SYN2: variants seen among roughly 807,000 people sequenced by gnomAD.
SYN2 encodes synapsin II, also known as synapsin-2.
SYN2 carries 19 observed loss-of-function variants against 50.9 expected under a neutral mutation model. The observed-to-expected ratio is 0.37, with a 90% CI of 0.26 to 0.55. The LOEUF (loss-of-function observed/expected upper bound fraction) is 0.55, where lower values mean the gene tolerates loss of function less well. Ranked by LOEUF, SYN2 falls within the 20% of genes least tolerant of loss-of-function variation. The probability of loss-of-function intolerance (pLI) is 0.81; values close to 1 mark genes in which losing one functional copy is unlikely to be tolerated. For missense variants in SYN2, 587 were observed against 576.4 expected (o/e 1.02, Z -0.19); for synonymous variants, 255 against 224.9 (o/e 1.13, Z -1.20).
intron 11 of SYN2, among the ~76,000 whole-genome samples, chr3:12,185,909 T>G (rs1273405109): frequency 6.6e-6 from 1 of 152,250 alleles, no homozygotes; most frequent in African/African-American, 2.4e-5. Context: ...AATCTGCTAA[T>G]CTATCATCTT....
intron 1 of SYN2, among the ~76,000 whole-genome samples, chr3:12,074,874 C>T (rs930408453): frequency 2.0e-5 from 3 of 152,146 alleles, no homozygotes; most frequent in Admixed American, 6.5e-5. Flanking sequence ...ATTCCAGTTT[C>T]TCAAGAGGTG....
At chr3:12,180,799 T>C (rs1698203748) in intron 10 of SYN2, among the ~76,000 whole-genome samples, 1 of 152,192 alleles carries the variant, frequency 6.6e-6, no homozygotes, top group Non-Finnish European at 1.5e-5. Flanking sequence ...GCTTAGTTCA[T>C]CCGTGGGTGT....
intron 1 of SYN2, among the ~76,000 whole-genome samples, chr3:12,137,822 G>T (rs539139032): frequency 9.9e-5 from 15 of 152,242 alleles, no homozygotes; most frequent in African/African-American, 3.4e-4. Flanking sequence ...AATTGATAAT[G>T]GGAAGTATAT....
At chr3:12,067,691 G>T (rs1251006240) in intron 1 of SYN2, among the ~76,000 whole-genome samples, 1 of 151,350 alleles carries the variant, frequency 6.6e-6, no homozygotes, top group Admixed American at 6.6e-5. Context: ...TCATTTCCTA[G>T]AAATATTTCT....
chr3:12,167,486 A>T (rs960543538), intron 8 of SYN2, among the ~76,000 whole-genome samples, 178 bp downstream of exon 8: 8 of 152,226 alleles, frequency 5.3e-5, no homozygotes, highest in African/African-American at 1.9e-4. Context: ...ATAGAGAAAG[A>T]TGATAGAGTT....
chr3:12,182,824 C>T (rs900673816), intron 10 of SYN2, among the ~76,000 whole-genome samples: 5 of 152,232 alleles, frequency 3.3e-5, no homozygotes, highest in African/African-American at 1.2e-4. Context: ...GGCATGCGCA[C>T]ACATACACTC....
intron 1 of SYN2, among the ~76,000 whole-genome samples, chr3:12,093,235 C>A (rs1213042244): frequency 6.6e-6 from 1 of 151,960 alleles, no homozygotes; most frequent in Non-Finnish European, 1.5e-5. Context: ...GAGAATAAAA[C>A]CTTCATTCAA....
At chr3:12,095,405 G>A (rs1695908259) in intron 1 of SYN2, among the ~76,000 whole-genome samples, 1 of 120,380 alleles carries the variant, frequency 8.3e-6, no homozygotes, top group African/African-American at 3.1e-5. Flanking sequence ...AAAATTAGCT[G>A]GGCATGGTGG....
chr3:12,121,736 T>C (rs755815368), intron 1 of SYN2, among the ~76,000 whole-genome samples: 2 of 146,694 alleles, frequency 1.4e-5, no homozygotes, highest in Non-Finnish European at 3.0e-5. Flanking sequence ...AAGGAAGGAA[T>C]GAAGGAAAGA....
intron 1 of SYN2, among the ~76,000 whole-genome samples, chr3:12,036,270 G>A (rs1476784811): frequency 2.6e-5 from 4 of 152,082 alleles, no homozygotes; most frequent in African/African-American, 9.7e-5. Flanking sequence ...GGAGGGGTGC[G>A]GCACACTAGC....
chr3:12,007,390 T>C (rs923427367), intron 1 of SYN2, among the ~76,000 whole-genome samples: 1 of 145,884 alleles, frequency 6.9e-6, no homozygotes, highest in Non-Finnish European at 1.5e-5. Context: ...TCTTCTAATA[T>C]GGGCCTAAAT....
At chr3:12,041,023 G>A (rs1694600144) in intron 1 of SYN2, among the ~76,000 whole-genome samples, 1 of 152,174 alleles carries the variant, frequency 6.6e-6, no homozygotes, top group South Asian at 2.1e-4. Context: ...AAAGGGGTGG[G>A]TGTAGGAGTG....
intron 10 of SYN2, among the ~76,000 whole-genome samples, chr3:12,174,735 C>T (rs983547674): frequency 1.3e-5 from 2 of 152,310 alleles, no homozygotes; most frequent in Admixed American, 1.3e-4. Flanking sequence ...CCACCTTGGC[C>T]TCCCAAAATG....
intron 1 of SYN2, among the ~76,000 whole-genome samples, chr3:12,039,385 C>G (rs986767661): frequency 2.0e-5 from 3 of 152,070 alleles, no homozygotes; most frequent in Non-Finnish European, 4.4e-5. Flanking sequence ...CAAGGTCCCT[C>G]ATGTTATTTC....
intron 1 of SYN2, among the ~76,000 whole-genome samples, chr3:12,087,910 C>T (rs556357324): frequency 1.3e-5 from 2 of 150,192 alleles, no homozygotes; most frequent in African/African-American, 5.0e-5. Flanking sequence ...CTTTATCTCA[C>T]ATCATATAAA....
At chr3:12,089,675 G>A (rs768715299) in intron 1 of SYN2, among the ~76,000 whole-genome samples, 2 of 152,160 alleles carry the variant, frequency 1.3e-5, no homozygotes, top group Non-Finnish European at 2.9e-5. Context: ...AAAGAATCTA[G>A]CAGGAATAGT....
At chr3:12,097,909 C>T (rs1288882330) in intron 1 of SYN2, among the ~76,000 whole-genome samples, 2 of 151,986 alleles carry the variant, frequency 1.3e-5, no homozygotes, top group African/African-American at 4.8e-5. Flanking sequence ...ATGTAAATGA[C>T]CCATGTAATG....
intron 5 of SYN2, among the ~76,000 whole-genome samples, chr3:12,159,915 C>T (rs1425469085): frequency 6.6e-6 from 1 of 152,012 alleles, no homozygotes; most frequent in African/African-American, 2.4e-5. Flanking sequence ...TGGTGGCCTA[C>T]ACCTGTAGTC....
chr3:12,157,574 T>C (rs756590055), intron 5 of SYN2: 52 of 1,276,764 alleles, frequency 4.1e-5, no homozygotes, highest in Middle Eastern at 2.5e-4. Context: ...AAGAAGTCTA[T>C]AGGGCAGTTC....
Sources: gnomAD v4.1 joint callset for allele counts (sites outside exome capture counted in the v4.1 genomes callset) on GRCh38, gnomAD v4.1.1 for gene constraint, MANE v1.5 for transcripts, NCBI Gene and HGNC (gene_info 2026-07-23, HGNC 2026-07-21) for gene names.